GSE1: variants seen among roughly 807,000 people sequenced by gnomAD.
The protein encoded by GSE1 is genetic suppressor element 1.
A neutral mutation model predicts 112.6 loss-of-function variants in GSE1; 32 were observed. That is an observed-to-expected ratio of 0.28 (90% CI 0.21 to 0.38). The LOEUF is 0.38. GSE1 is among the 10% of genes least tolerant of loss of function. GSE1 has a pLI of 1.00. For synonymous variants in GSE1, 1,115 were observed against 735.6 expected, an observed-to-expected ratio of 1.52 and a Z score of -8.35; for missense variants, 2,348 against 1,699.2, an observed-to-expected ratio of 1.38 and a Z score of -6.71.
intron 1 of GSE1, among the ~76,000 whole-genome samples, chr16:85,332,400 C>T (rs1189913619): frequency 2.6e-5 from 4 of 152,224 alleles, no homozygotes; most frequent in Non-Finnish European, 5.9e-5. Context: ...TCACTGAATC[C>T]TCCAGCAACC....
At chr16:85,621,031 C>G (rs1426435253) in intron 1 of GSE1, among the ~76,000 whole-genome samples, 1 of 151,604 alleles carries the variant, frequency 6.6e-6, no homozygotes, top group Admixed American at 6.6e-5. Flanking sequence ...GGTCTCAGCC[C>G]TGGGTCTCTG....
chr16:85,279,630 T>C (rs2044795238), intron 1 of GSE1, among the ~76,000 whole-genome samples: 1 of 152,082 alleles, frequency 6.6e-6, no homozygotes, highest in African/African-American at 2.4e-5. Context: ...AATCAATCAA[T>C]CAAACAGTGA....
intron 1 of GSE1, among the ~76,000 whole-genome samples, chr16:85,213,473 C>T (rs1434240829): frequency 1.3e-5 from 2 of 152,128 alleles, no homozygotes; most frequent in Non-Finnish European, 2.9e-5. Context: ...AGAACAGCCC[C>T]TCACCCCCTA....
chr16:85,442,351 T>G (rs978970819), intron 2 of GSE1, among the ~76,000 whole-genome samples: 2 of 152,172 alleles, frequency 1.3e-5, no homozygotes, highest in Non-Finnish European at 2.9e-5. Context: ...CAGCCCCACA[T>G]GGGCAGGGAC....
chr16:85,178,011 A>G (rs546791221), intron 1 of GSE1, among the ~76,000 whole-genome samples: 13 of 152,308 alleles, frequency 8.5e-5, no homozygotes, highest in South Asian at 4.1e-4. Flanking sequence ...CTCCGGGAGC[A>G]TGTGGCGCTC....
At chr16:85,251,794 G>A (rs939676245) in intron 1 of GSE1, among the ~76,000 whole-genome samples, 16 of 152,224 alleles carry the variant, frequency 1.1e-4, no homozygotes, top group African/African-American at 3.1e-4. Context: ...CAGCTGCCTG[G>A]TGGACTGGCA....
intron 5 of GSE1, 103 bp downstream of exon 5, chr16:85,655,094 C>G: frequency 1.3e-6 from 1 of 791,040 alleles, no homozygotes; most frequent in Non-Finnish European, 2.1e-6. Context: ...AGCCAGGCTC[C>G]TAGGGGAGGG....
chr16:85,654,259 G>T lies in GSE1; in HGVS notation c.427-19G>T, dbSNP rs749684066. 6 of 1,574,462 alleles carry T rather than the reference G, an allele frequency of 3.8e-6. No individual in the cohort carries two copies. The Admixed American group carries it at 1.1e-4, about 29-fold the overall frequency. On this transcript the variant is annotated intron_variant, in intron 3 of 15. Transcript: ENST00000253458. The stretch of plus-strand genomic sequence containing the variant: ...CCTATACCAGGCTCCTGCCCTGACT[G>T]GACGCTCTCCTCCCGCAGGATGCCG...
At chr16:85,246,882 C>G (rs974285304) in intron 1 of GSE1, among the ~76,000 whole-genome samples, 2 of 152,158 alleles carry the variant, frequency 1.3e-5, no homozygotes, top group Non-Finnish European at 2.9e-5. Context: ...GTTTGTCCCC[C>G]ACACCATAGC....
intron 1 of GSE1, among the ~76,000 whole-genome samples, chr16:85,291,838 A>G (rs1023139981): frequency 5.9e-5 from 9 of 152,190 alleles, no homozygotes; most frequent in Admixed American, 5.2e-4. Context: ...CCCCGCCAGC[A>G]CAAAACACTC....
intron 2 of GSE1, among the ~76,000 whole-genome samples, chr16:85,531,618 C>T (rs146290074): frequency 4.9e-4 from 74 of 152,328 alleles, no homozygotes; most frequent in African/African-American, 1.6e-3. Flanking sequence ...GCCCCCCTTC[C>T]GCCCTGCCCC....
At chr16:85,360,605 C>T (rs1335382188) in intron 2 of GSE1, among the ~76,000 whole-genome samples, 1 of 152,162 alleles carries the variant, frequency 6.6e-6, no homozygotes, top group Non-Finnish European at 1.5e-5. Flanking sequence ...CCGGGCCCAG[C>T]TGTGCACTGC....
intron 1 of GSE1, among the ~76,000 whole-genome samples, chr16:85,331,351 G>GTATATATA (rs1567692439): frequency 3.4e-5 from 4 of 118,550 alleles, no homozygotes; most frequent in African/African-American, 7.6e-5. Context: ...GTGTGTGTGT[G>GTATATATA]TGTGTGTGTG....
chr16:85,241,093 C>G (rs1022938597), intron 1 of GSE1, among the ~76,000 whole-genome samples: 11 of 152,182 alleles, frequency 7.2e-5, no homozygotes, highest in Non-Finnish European at 1.5e-4. Context: ...GTGAAACGAG[C>G]CTCCTTCTTC....
At chr16:85,596,712 G>A (rs1009887384) in intron 1 of GSE1, among the ~76,000 whole-genome samples, 5 of 152,158 alleles carry the variant, frequency 3.3e-5, no homozygotes, top group Non-Finnish European at 7.3e-5. Flanking sequence ...GCCAGTACTG[G>A]ACAGTTCAGA....
At chr16:85,307,686 C>T (rs761280666) in intron 1 of GSE1, among the ~76,000 whole-genome samples, 17 of 152,180 alleles carry the variant, frequency 1.1e-4, no homozygotes, top group East Asian at 3.9e-4. Context: ...CACGTGGGCA[C>T]GGCTGACACC....
intron 2 of GSE1, among the ~76,000 whole-genome samples, chr16:85,549,300 A>G (rs2044820636): frequency 6.6e-6 from 1 of 151,382 alleles, no homozygotes. Context: ...TCAGCTTCCC[A>G]TGTAGCTGGG....
intron 1 of GSE1, among the ~76,000 whole-genome samples, chr16:85,248,336 C>T (rs551181856): frequency 1.6e-4 from 24 of 152,276 alleles, no homozygotes; most frequent in African/African-American, 5.8e-4. Flanking sequence ...CCTGTGCTGC[C>T]ATCCTCAGTA....
At chr16:85,563,732 G>A (rs114702059) in intron 1 of GSE1, among the ~76,000 whole-genome samples, 609 of 152,342 alleles carry the variant, frequency 4.0e-3, no homozygotes, top group African/African-American at 0.014. Context: ...TTAATGGCCT[G>A]TGGGGTCAGG....
Sources: allele counts gnomAD v4.1 joint callset (sites outside exome capture counted in the v4.1 genomes callset), GRCh38; gene constraint gnomAD v4.1.1; transcripts MANE v1.5; gene names NCBI Gene and HGNC (gene_info 2026-07-23, HGNC 2026-07-21).